The following SPHKAP variants were observed in gnomAD, a reference collection of about 807,000 sequenced individuals.
SPHKAP encodes the protein SPHK1 interactor, AKAP domain containing.
Under a neutral mutation model 137.5 loss-of-function variants are expected in SPHKAP, and 67 were observed. That is an observed-to-expected ratio of 0.49 (90% CI 0.40 to 0.60). SPHKAP has a LOEUF of 0.60. Ranked by LOEUF, SPHKAP falls within the 20% of genes least tolerant of loss-of-function variation. The pLI, the probability that SPHKAP is intolerant of heterozygous loss-of-function variation, is 0.00. For missense variants in SPHKAP, 2,097 were observed against 2,069.3 expected (o/e 1.01, Z -0.26); for synonymous variants, 813 against 785.3 (o/e 1.04, Z -0.59).
intron 1 of SPHKAP, among the ~76,000 whole-genome samples, chr2:228,153,965 A>G (rs1700017220): frequency 6.6e-6 from 1 of 152,178 alleles, no homozygotes. Context: ...AAAGCTTCCC[A>G]GAAAGAATCA....
At chr2:228,032,176 G>C (rs909860852) in intron 3 of SPHKAP, among the ~76,000 whole-genome samples, 2 of 152,162 alleles carry the variant, frequency 1.3e-5, no homozygotes, top group Non-Finnish European at 2.9e-5. Flanking sequence ...CCAACGCAGA[G>C]AAGTCCTTAA....
At chr2:227,995,451 A>G (rs1240705952) in intron 8 of SPHKAP, 58 bp downstream of exon 8, 2 of 1,600,842 alleles carry the variant, frequency 1.2e-6, no homozygotes, top group African/African-American at 2.7e-5. Flanking sequence ...ATTAAAATGC[A>G]TTTTTAGAAT....
At chr2:227,990,761 C>T in intron 11 of SPHKAP, 1 of 410,964 alleles carries the variant, frequency 2.4e-6, no homozygotes, top group Non-Finnish European at 4.3e-6. Flanking sequence ...AGTTCCCATC[C>T]CCTCAATTTA....
chr2:228,059,438 A>G (rs1696561594), intron 3 of SPHKAP, among the ~76,000 whole-genome samples: 1 of 152,222 alleles, frequency 6.6e-6, no homozygotes, highest in Admixed American at 6.5e-5. Context: ...AATTTCTACA[A>G]GTAGTGAAGC....
At chr2:228,061,178 A>T (rs1184754787) in intron 3 of SPHKAP, among the ~76,000 whole-genome samples, 3 of 152,202 alleles carry the variant, frequency 2.0e-5, no homozygotes, top group Non-Finnish European at 1.5e-5. Flanking sequence ...GGTTCTAGAC[A>T]AGTATACGTG....
chr2:228,047,769 G>C (rs1003192579), intron 3 of SPHKAP, among the ~76,000 whole-genome samples: 2 of 152,196 alleles, frequency 1.3e-5, no homozygotes, highest in African/African-American at 4.8e-5. Context: ...TTGATGATCT[G>C]AAACTTGAAA....
At chr2:228,092,108 T>TG (rs1697761566) in intron 3 of SPHKAP, among the ~76,000 whole-genome samples, 1 of 143,938 alleles carries the variant, frequency 6.9e-6, no homozygotes, top group Non-Finnish European at 1.5e-5. Flanking sequence ...TATGTATATA[T>TG]ACACATATAT....
At chr2:227,996,060 G>A (rs1388640340) in intron 7 of SPHKAP, 1 of 983,796 alleles carries the variant, frequency 1.0e-6, no homozygotes, top group Non-Finnish European at 1.2e-6. Flanking sequence ...TTTCTGGAAG[G>A]AGGTCCACAA....
At chr2:228,087,934 C>T (rs1448168390) in intron 3 of SPHKAP, among the ~76,000 whole-genome samples, 1 of 152,094 alleles carries the variant, frequency 6.6e-6, no homozygotes, top group Non-Finnish European at 1.5e-5. Context: ...TTTCTTTTCT[C>T]AGCTGTTTCA....
Position 228,045,883 on chromosome 2 carries a change from G to C in SPHKAP, c.247-18340C>G, listed in dbSNP as rs372242493. 2.6e-5 allele frequency among the ~76,000 whole-genome samples: 4 copies of C among 152,296 alleles called. No individual in the cohort carries two copies. In the East Asian group the frequency reaches 7.7e-4, roughly 29 times the overall value. ...AAAAAGCCAAACTCACAGAAGCAGA[G>C]AGTAGAATGGTGATTGCATGGGGCT... is the stretch of plus-strand genomic sequence containing the variant. On this transcript the variant is annotated intron_variant, in intron 3 of 11. Transcript: ENST00000392056.
At chr2:228,076,292 C>A (rs764252353) in intron 3 of SPHKAP, among the ~76,000 whole-genome samples, 1 of 152,006 alleles carries the variant, frequency 6.6e-6, no homozygotes, top group Non-Finnish European at 1.5e-5. Context: ...ACCAGTAGAG[C>A]GAAGTGCTGC....
chr2:228,171,153 C>A (rs10179408), intron 1 of SPHKAP, among the ~76,000 whole-genome samples: 20,483 of 152,054 alleles, frequency 0.13, 1,390 homozygotes, highest in East Asian at 0.2. Context: ...TGTACCAGAA[C>A]ATTTCAAGTG....
chr2:228,094,860 G>C (rs1029993984), intron 3 of SPHKAP, among the ~76,000 whole-genome samples: 2 of 152,130 alleles, frequency 1.3e-5, no homozygotes, highest in African/African-American at 4.8e-5. Flanking sequence ...GGGAGAAAAA[G>C]ATACCAGCGA....
At chr2:227,982,041 C>T (rs1289569494) in intron 11 of SPHKAP, 181 bp from the exon 12 acceptor site, 3 of 955,850 alleles carry the variant, frequency 3.1e-6, no homozygotes, top group Admixed American at 7.2e-5. Flanking sequence ...TACCGAACTT[C>T]ATCAAGTGAA....
Position 228,001,182 on chromosome 2 carries a change from T to C in SPHKAP, c.4449-5488A>G, listed in dbSNP as rs925616264. 2.0e-5 allele frequency among the ~76,000 whole-genome samples: 3 copies of C among 150,414 alleles called. No individual in the cohort carries two copies. The Admixed American group carries it at 2.0e-4, about 10-fold the overall frequency. On this transcript the variant is annotated intron_variant, in intron 7 of 11. Transcript: ENST00000392056. ...TTATATGCTATCCATACATGTTCTT[T>C]GGTGAAGTGTCTCTTCAGGCCTTTT...
chr2:228,166,841 A>T (rs1267203159), intron 1 of SPHKAP, among the ~76,000 whole-genome samples: 1 of 152,136 alleles, frequency 6.6e-6, no homozygotes, highest in Non-Finnish European at 1.5e-5. Flanking sequence ...GTTCTGCGGG[A>T]TGTACAGGAA....
intron 3 of SPHKAP, among the ~76,000 whole-genome samples, chr2:228,079,817 C>T (rs1358586316): frequency 6.6e-6 from 1 of 152,218 alleles, no homozygotes; most frequent in Non-Finnish European, 1.5e-5. Context: ...TCTGGCCCAT[C>T]CTTATGGACC....
chr2:228,179,428 C>G (rs1407962470), intron 1 of SPHKAP, among the ~76,000 whole-genome samples: 1 of 152,162 alleles, frequency 6.6e-6, no homozygotes, highest in African/African-American at 2.4e-5. Context: ...ATCCCAATCC[C>G]TATGGCTTTC....
chr2:228,134,802 C>T (rs1699381151), intron 1 of SPHKAP, among the ~76,000 whole-genome samples: 1 of 152,182 alleles, frequency 6.6e-6, no homozygotes, highest in Non-Finnish European at 1.5e-5. Flanking sequence ...CTCCAGGCAG[C>T]TCTGATGGGC....
Sources: gnomAD v4.1 joint callset for allele counts (sites outside exome capture counted in the v4.1 genomes callset) on GRCh38, gnomAD v4.1.1 for gene constraint, MANE v1.5 for transcripts, NCBI Gene and HGNC (gene_info 2026-07-23, HGNC 2026-07-21) for gene names.